The following NFIA variants were observed in gnomAD, a reference collection of about 807,000 sequenced individuals.
NFIA encodes nuclear factor 1 A-type.
In NFIA, 8 loss-of-function variants were observed where a neutral mutation model predicts 62.8. That is an observed-to-expected ratio of 0.13 (90% CI 0.07 to 0.23). The LOEUF (loss-of-function observed/expected upper bound fraction) is 0.23. NFIA is among the 10% of genes least tolerant of loss of function. NFIA has a pLI of 1.00. For missense variants in NFIA, 410 were observed against 642.1 expected (o/e 0.64, Z 3.91); for synonymous variants, 235 against 238.1 (o/e 0.99, Z 0.12).
intron 8 of NFIA, among the ~76,000 whole-genome samples, chr1:61,404,587 C>T (rs913924503): frequency 6.6e-6 from 1 of 152,060 alleles, no homozygotes; most frequent in East Asian, 1.9e-4. Flanking sequence ...GCATTCTAAC[C>T]CCAGGGCTCA....
At chr1:61,098,286 C>T (rs1050149190) in intron 2 of NFIA, among the ~76,000 whole-genome samples, 12 of 152,078 alleles carry the variant, frequency 7.9e-5, no homozygotes, top group African/African-American at 2.4e-4. Context: ...TGAGAACTAA[C>T]GATAAGTGGG....
At chr1:61,144,918 G>A (rs907223045) in intron 2 of NFIA, among the ~76,000 whole-genome samples, 2 of 23,332 alleles carry the variant, frequency 8.6e-5, no homozygotes, top group Non-Finnish European at 2.7e-4. Flanking sequence ...GCATCAAGGC[G>A]CACCTGACAC....
chr1:61,378,757 G>A (rs192680951), intron 6 of NFIA, among the ~76,000 whole-genome samples: 2 of 152,250 alleles, frequency 1.3e-5, no homozygotes, highest in East Asian at 1.9e-4. Context: ...GCTGACTCTC[G>A]TGATTGTTGG....
At chr1:61,178,602 G>A (rs1437839425) in intron 2 of NFIA, among the ~76,000 whole-genome samples, 1 of 152,166 alleles carries the variant, frequency 6.6e-6, no homozygotes, top group Non-Finnish European at 1.5e-5. Context: ...CTGTGACTGT[G>A]GTAAGGCTGC....
chr1:61,437,523 G>A (rs1209788601), intron 10 of NFIA, among the ~76,000 whole-genome samples: 4 of 152,142 alleles, frequency 2.6e-5, no homozygotes, highest in African/African-American at 9.7e-5. Flanking sequence ...AATTTATTGA[G>A]CACCTACTAT....
intron 2 of NFIA, among the ~76,000 whole-genome samples, chr1:61,229,934 A>ATCT: frequency 6.6e-6 from 1 of 152,312 alleles, no homozygotes; most frequent in African/African-American, 2.4e-5. Context: ...CTCCCCTAAG[A>ATCT]TCAGGAAGAA....
At chr1:61,113,412 G>A (rs1225995957) in intron 2 of NFIA, among the ~76,000 whole-genome samples, 1 of 151,970 alleles carries the variant, frequency 6.6e-6, no homozygotes, top group Non-Finnish European at 1.5e-5. Context: ...GGCCAACATG[G>A]CAAAACCCAG....
In NFIA at chr1:61,271,088, G is replaced by C. The variant is rs577352096; in HGVS notation, c.560-6432G>C. On this transcript the variant is annotated intron_variant, in intron 2 of 10. Coordinates refer to ENST00000403491, the MANE Select transcript of NFIA (RefSeq NM_001134673.4). ...ATTCAGCCTCATGCGAAGATTGAAG[G>C]TTTAATGATTGAGTCATTTTGTCAT... Among the ~76,000 whole-genome samples the C allele has an allele frequency of 1.7e-3, 259 of 152,270 alleles. 1 individual carries two copies. The highest frequency in any genetic ancestry group is 2.4e-3 in the Non-Finnish European group (163 of 68,014).
intron 6 of NFIA, among the ~76,000 whole-genome samples, chr1:61,372,976 G>A (rs1294094736): frequency 6.6e-6 from 1 of 152,172 alleles, no homozygotes; most frequent in South Asian, 2.1e-4. Context: ...ATGATGGAAT[G>A]TATTGCCCTC....
At chr1:61,308,024 T>G (rs373630572) in intron 3 of NFIA, among the ~76,000 whole-genome samples, 1 of 152,356 alleles carries the variant, frequency 6.6e-6, no homozygotes, top group East Asian at 1.9e-4. Flanking sequence ...ATGATGATAT[T>G]ATTTCGTGGT....
chr1:61,240,295 C>G (rs1317047047), intron 2 of NFIA, among the ~76,000 whole-genome samples: 2 of 151,930 alleles, frequency 1.3e-5, no homozygotes. Flanking sequence ...GTTATATCAC[C>G]ATTGAAACTA....
chr1:61,336,574 T>C (rs1661620248), intron 4 of NFIA, among the ~76,000 whole-genome samples: 1 of 152,228 alleles, frequency 6.6e-6, no homozygotes, highest in African/African-American at 2.4e-5. Context: ...GTACATTCTG[T>C]GGGTTTTGAC....
chr1:61,287,545 C>G (rs1039518601), intron 3 of NFIA, among the ~76,000 whole-genome samples: 2 of 152,082 alleles, frequency 1.3e-5, no homozygotes, highest in Non-Finnish European at 2.9e-5. Context: ...TGGCTCACAC[C>G]TGTAATCCCA....
Position 61,457,874 on chromosome 1 carries a change from C to T in NFIA, c.*2554C>T, listed in dbSNP as rs1363468046. ...CAACTTCCTTTTTCTTCAGCTCCCACACCCCATTTTTCTTAGCAGACTGCA... is the reference window on the plus strand; with the variant it reads ...CAACTTCCTTTTTCTTCAGCTCCCATACCCCATTTTTCTTAGCAGACTGCA... On this transcript the variant is annotated 3_prime_UTR_variant, in exon 11 of 11. Transcript: ENST00000403491. This position sits in a 1 kb window ranked among gnomAD's most constrained non-coding sequence, Gnocchi z 4.2. 6.6e-6 allele frequency: 1 copy of T among 151,746 alleles called. No individual in the cohort carries two copies. Among genetic ancestry groups the T allele is most frequent in the Non-Finnish European group, 1.5e-5 (1 of 67,974 alleles). The allele number at this position is 151,746 out of a possible 1,614,324, so 9.4% of individuals were successfully genotyped here. A position where few individuals can be genotyped will look rare whatever the true frequency, so the allele number is the denominator to read the frequency against.
At chr1:61,286,301 G>A (rs1004062492) in intron 3 of NFIA, among the ~76,000 whole-genome samples, 26 of 151,702 alleles carry the variant, frequency 1.7e-4, no homozygotes, top group Non-Finnish European at 8.8e-5. Context: ...GGTTGCAGGC[G>A]CCTGTAGTCC....
chr1:61,433,757 ATCCCCACTGT>A (rs1352644633), intron 10 of NFIA, among the ~76,000 whole-genome samples: 1 of 152,154 alleles, frequency 6.6e-6, no homozygotes, highest in Non-Finnish European at 1.5e-5. Context: ...TATTATTGTT[ATCCCCACTGT>A]ATAGGTTAAA....
intron 10 of NFIA, among the ~76,000 whole-genome samples, chr1:61,455,007 C>G (rs1668235666): frequency 6.6e-6 from 1 of 152,156 alleles, no homozygotes; most frequent in Non-Finnish European, 1.5e-5. Context: ...TATAACTGCC[C>G]CCATCAGTTA....
At chr1:61,247,860 A>C (rs991193594) in intron 2 of NFIA, among the ~76,000 whole-genome samples, 21 of 152,312 alleles carry the variant, frequency 1.4e-4, no homozygotes, top group African/African-American at 5.1e-4. Context: ...GAACTTTCTT[A>C]GTTTAATAAA....
At chr1:61,190,019 GAAATT>G (rs1299498885) in intron 2 of NFIA, among the ~76,000 whole-genome samples, 3 of 152,174 alleles carry the variant, frequency 2.0e-5, no homozygotes, top group Non-Finnish European at 4.4e-5. Flanking sequence ...TGAATTTAAT[GAAATT>G]AAATGTGATA....
Sources: gnomAD v4.1 joint callset for allele counts (sites outside exome capture counted in the v4.1 genomes callset) on GRCh38, gnomAD v4.1.1 for gene constraint, Gnocchi (gnomAD v3.1) non-coding constraint, MANE v1.5 for transcripts, NCBI Gene and HGNC (gene_info 2026-07-23, HGNC 2026-07-21) for gene names.